The following NRG4 variants were observed in gnomAD, a reference collection of about 807,000 sequenced individuals.
NRG4 encodes the protein neuregulin 4.
NRG4 carries 10 observed loss-of-function variants against 15.0 expected under a neutral mutation model. The ratio of observed to expected loss-of-function variants is 0.67; its 90% CI spans 0.41 to 1.13. The LOEUF is 1.13. NRG4 is among the 50% of genes most tolerant of loss of function. NRG4 has a pLI of 0.00. For missense variants in NRG4, 139 were observed against 140.2 expected (o/e 0.99, Z 0.04); for synonymous variants, 41 against 50.1 (o/e 0.82, Z 0.77).
chr15:76,005,771 T>C (rs1373035201), intron 3 of NRG4: 2 of 439,474 alleles, frequency 4.6e-6, no homozygotes, highest in Non-Finnish European at 9.1e-6. Context: ...TAGATCATCA[T>C]AAAGGTCTTC....
intron 5 of NRG4, among the ~76,000 whole-genome samples, chr15:76,032,015 G>GA (rs1252002655): frequency 1.3e-5 from 2 of 152,022 alleles, no homozygotes; most frequent in East Asian, 3.9e-4. Flanking sequence ...GTAGAGAGGA[G>GA]AATTACCCAC....
At chr15:75,999,853 T>G (rs539454966) in intron 3 of NRG4, among the ~76,000 whole-genome samples, 3 of 151,988 alleles carry the variant, frequency 2.0e-5, no homozygotes, top group African/African-American at 7.3e-5. Flanking sequence ...ATGGGTAACA[T>G]AGTAAGACCT....
intron 3 of NRG4, among the ~76,000 whole-genome samples, chr15:75,987,995 A>C (rs1252176640): frequency 2.0e-5 from 3 of 152,192 alleles, no homozygotes; most frequent in Non-Finnish European, 4.4e-5. Context: ...TAATGTTCTC[A>C]AAGTGTCTCC....
intron 2 of NRG4, among the ~76,000 whole-genome samples, chr15:76,056,393 GATTGCAGTCAGCCGAGATTGCGCC>G (rs1259390235): frequency 1.3e-5 from 2 of 152,078 alleles, no homozygotes; most frequent in South Asian, 2.1e-4. Flanking sequence ...GGGAGGCGGA[GATTGCAGTCAGCCGAGATTGCGCC>G]ATTGCACTCC....
chr15:75,998,866 G>A lies in NRG4; in HGVS notation c.104+10334C>T, dbSNP rs61004594. Among the ~76,000 whole-genome samples the A allele has an allele frequency of 4.3e-3, 650 of 152,140 alleles. 5 individuals carry two copies. Among genetic ancestry groups the A allele is most frequent in the African/African-American group, 0.015 (610 of 41,448 alleles). On this transcript the variant is annotated intron_variant, in intron 3 of 5. Transcript: ENST00000394907. The stretch of plus-strand genomic sequence containing the variant: ...AGCATCATAAAGAAACTTTCCTAAA[G>A]GGAATTTATCAATTTAATTTTTTAT...
intron 3 of NRG4, among the ~76,000 whole-genome samples, chr15:75,965,913 A>G (rs1430401584): frequency 6.6e-6 from 1 of 152,188 alleles, no homozygotes; most frequent in African/African-American, 2.4e-5. Context: ...TTGCTAAATT[A>G]CTTCTGGACC....
chr15:76,059,029 G>A (rs1207495805), intron 1 of NRG4, among the ~76,000 whole-genome samples: 1 of 152,114 alleles, frequency 6.6e-6, no homozygotes, highest in African/African-American at 2.4e-5. Flanking sequence ...CCGGGGCGAT[G>A]CTGCCTCCAA....
intron 5 of NRG4, among the ~76,000 whole-genome samples, chr15:76,024,368 C>T (rs1482273716): frequency 3.3e-5 from 5 of 152,198 alleles, no homozygotes; most frequent in Non-Finnish European, 7.3e-5. Flanking sequence ...CGTCCTAGGC[C>T]AGAGAAACAA....
chr15:76,038,398 C>A (rs2035645978), intron 4 of NRG4, among the ~76,000 whole-genome samples: 1 of 152,202 alleles, frequency 6.6e-6, no homozygotes, highest in African/African-American at 2.4e-5. Context: ...AAGAGTGAAT[C>A]CCAGGCTTGG....
At chr15:75,978,357 T>C (rs2033456315) in intron 3 of NRG4, among the ~76,000 whole-genome samples, 1 of 152,214 alleles carries the variant, frequency 6.6e-6, no homozygotes, top group Admixed American at 6.5e-5. Flanking sequence ...GCTCCATTCA[T>C]GTTGCTGCAC....
At chr15:76,004,872 G>A (rs754585900) in intron 3 of NRG4, among the ~76,000 whole-genome samples, 12 of 152,042 alleles carry the variant, frequency 7.9e-5, no homozygotes, top group Non-Finnish European at 1.2e-4. Flanking sequence ...ACCCTTGAAC[G>A]ATATAGGGGT....
At chr15:75,992,678 C>T (rs1465573306) in intron 3 of NRG4, among the ~76,000 whole-genome samples, 1 of 152,124 alleles carries the variant, frequency 6.6e-6, no homozygotes, top group Non-Finnish European at 1.5e-5. Context: ...CACTAATCTA[C>T]TTTCTATCTC....
upstream of NRG4, chr15:76,059,997 A>C: frequency 6.8e-6 from 1 of 146,956 alleles, no homozygotes; most frequent in South Asian, 2.2e-4. Context: ...AGCCGAGCGA[A>C]TCCCGAGCCC....
intron 3 of NRG4, among the ~76,000 whole-genome samples, chr15:75,967,455 GA>G (rs1233535744): frequency 5.2e-5 from 5 of 96,372 alleles, no homozygotes; most frequent in African/African-American, 1.0e-4. Context: ...CAAAATCTTA[GA>G]TTTTTTTTTT....
chr15:75,997,111 G>C (rs1421567525), intron 3 of NRG4, among the ~76,000 whole-genome samples: 1 of 151,646 alleles, frequency 6.6e-6, no homozygotes, highest in Non-Finnish European at 1.5e-5. Context: ...TTTAATGAGA[G>C]AAAAAAATAT....
chr15:76,020,009 C>T (rs1228231561), intron 5 of NRG4, among the ~76,000 whole-genome samples: 2 of 152,146 alleles, frequency 1.3e-5, no homozygotes, highest in Non-Finnish European at 1.5e-5. Context: ...TTTTGGTAAT[C>T]CTTGCAATAT....
chr15:75,971,016 A>G, intron 3 of NRG4: 2 of 223,548 alleles, frequency 8.9e-6, no homozygotes, highest in Non-Finnish European at 1.8e-5. Flanking sequence ...TGTGATTTTC[A>G]TTGTCTTCGA....
intron 3 of NRG4, among the ~76,000 whole-genome samples, chr15:75,970,856 G>A (rs574256505): frequency 6.6e-6 from 1 of 152,276 alleles, no homozygotes; most frequent in African/African-American, 2.4e-5. Context: ...AAAGATTAGG[G>A]CCTGGCTGAC....
Position 76,022,703 on chromosome 15 carries a change from T to C in NRG4, c.-56-11417A>G, listed in dbSNP as rs529853579. On this transcript the variant is annotated intron_variant, in intron 5 of 8. Transcript: ENST00000563910. ...TGGGGAAAAGAATGGCAAGAATAGA[T>C]AGTATAAAACATGCTGGATCCAGAT... Among the ~76,000 whole-genome samples, 25 of 152,218 alleles carry C rather than the reference T, an allele frequency of 1.6e-4. No individual in the cohort carries two copies. The South Asian group carries it at 5.2e-3, about 32-fold the overall frequency.
Sources: gnomAD v4.1 joint callset for allele counts (sites outside exome capture counted in the v4.1 genomes callset) on GRCh38, gnomAD v4.1.1 for gene constraint, MANE v1.5 for transcripts, NCBI Gene and HGNC (gene_info 2026-07-23, HGNC 2026-07-21) for gene names.